Variants in ELP1 observed in about 807,000 individuals in gnomAD.
ELP1 encodes the protein elongator acetyltransferase complex subunit 1.
A neutral mutation model predicts 183.2 loss-of-function variants in ELP1; 131 were observed. That is an observed-to-expected ratio of 0.72 (90% CI 0.62 to 0.83). ELP1 has a LOEUF of 0.83. Among genes scored for constraint, ELP1 ranks in the 40% least tolerant of loss-of-function variants. The pLI is 0.00. For synonymous variants in ELP1, 555 were observed against 569.0 expected (o/e 0.98, Z 0.35); for missense variants, 1,550 against 1,594.9 (o/e 0.97, Z 0.48).
intron 14 of ELP1, among the ~76,000 whole-genome samples, chr9:108,904,779 T>G (rs915044949): frequency 3.1e-4 from 47 of 152,308 alleles, no homozygotes; most frequent in African/African-American, 1.1e-3. Flanking sequence ...GACAAAGCAT[T>G]TAGAAGAGTA....
rs753791141 is a variant in ELP1, at chr9:108,896,584, T to A, written c.2648A>T (p.His883Leu). The A allele has an allele frequency of 1.2e-6, 2 of 1,613,848 alleles. No individual in the cohort carries two copies. The highest frequency in any genetic ancestry group is 1.7e-6 in the Non-Finnish European group (2 of 1,179,712). Residue 883 changes from histidine (H) to leucine (L), a missense_variant, in exon 25 of 37, where the codon CAT becomes CTT. Coordinates refer to ENST00000374647, the MANE Select transcript of ELP1 (RefSeq NM_003640.5). The stretch of plus-strand genomic sequence containing the variant: ...ATATAATTCATTAACATCTACCAGA[T>A]GCAGCAAATATTTCAAGGCCTCTTC... ...SAEEALKYLL[H>L]LVDVNELYDH...
intron 12 of ELP1, among the ~76,000 whole-genome samples, 177 bp downstream of exon 12, chr9:108,910,830 TAAA>T (rs11431875): frequency 5.7e-5 from 8 of 140,640 alleles, no homozygotes; most frequent in Admixed American, 5.0e-4. Context: ...AGTATAGGAT[TAAA>T]AAAAAAAAAA....
Position 108,908,329 on chromosome 9 carries a change from G to A in ELP1, c.1436C>T (p.Thr479Ile). 6.2e-7 allele frequency: 1 copy of A among 1,613,856 alleles called. No homozygotes were observed. Among genetic ancestry groups the A allele is most frequent in the Non-Finnish European group, 8.5e-7 (1 of 1,179,738 alleles). The change falls in exon 13 of 37, where the codon ACT becomes ATT. Residue 479 changes from threonine (T) to isoleucine (I), a missense_variant. Coordinates refer to ENST00000374647, the MANE Select transcript of ELP1 (RefSeq NM_003640.5). Reference protein sequence around the residue: ...GGSGFKVCLRTPHLEKRYKIQ... With the variant: ...GGSGFKVCLRIPHLEKRYKIQ... ...CTTGTATCTCTTTTCCAAATGAGGA[G>A]TTCTAAGGCAAACTTTAAATCCACT...
chr9:108,912,353 T>C lies in ELP1; in HGVS notation c.1100A>G (p.His367Arg), dbSNP rs1286235792. 6.2e-7 allele frequency: 1 copy of C among 1,614,064 alleles called. No individual in the cohort carries two copies. Among genetic ancestry groups the C allele is most frequent in the African/African-American group, 1.3e-5 (1 of 74,912 alleles). The change falls in exon 11 of 37, where the codon CAT (histidine) becomes CGT (arginine). Residue 367 changes from histidine to arginine, a missense_variant. Transcript: ENST00000374647. ...YRLHVLCQGWHYLAYDWHWTT... is the reference protein window; with the variant it reads ...YRLHVLCQGWRYLAYDWHWTT... ...CCAGTGCCAATCATAGGCGAGGTAA[T>C]GCCAGCCCTGACAGAGAACATGCAG...
At chr9:108,899,553 T>G (rs1828689491) in intron 20 of ELP1, among the ~76,000 whole-genome samples, 1 of 151,886 alleles carries the variant, frequency 6.6e-6, no homozygotes, top group Non-Finnish European at 1.5e-5. Flanking sequence ...ACAGGCCACC[T>G]AAAACCCACA....
intron 25 of ELP1, 55 bp downstream of exon 25, chr9:108,896,441 C>A: frequency 6.5e-7 from 1 of 1,549,948 alleles, no homozygotes; most frequent in Non-Finnish European, 8.9e-7. Flanking sequence ...CAGGGTTTCA[C>A]ACTATCATTA....
At chr9:108,912,599 C>A in intron 10 of ELP1, 105 bp from the exon 11 acceptor site, 1 of 775,750 alleles carries the variant, frequency 1.3e-6, no homozygotes, top group South Asian at 1.4e-5. Flanking sequence ...AAGGACCCTT[C>A]CTGCTCAGCC....
chr9:108,924,266 T>C lies in ELP1; in HGVS notation c.467-1339A>G, dbSNP rs147093720. 5.0e-3 allele frequency among the ~76,000 whole-genome samples: 754 copies of C among 152,296 alleles called. 2 individuals are homozygous for C. Among genetic ancestry groups the C allele is most frequent in the Non-Finnish European group, 7.7e-3 (526 of 68,028 alleles). ...TAACTTTCACACCTCAACATTAGAA[T>C]TGAGCAGCTGCAACACAGATCATAC... On this transcript the variant is annotated intron_variant, in intron 5 of 36. Transcript: ENST00000374647.
chr9:108,868,031 G>A lies in ELP1; in HGVS notation c.*1084C>T, dbSNP rs756637677. ...CCCAATGGGAGGTGTTTTGGTCACAGGGGCAGATCCTACGTGAATCGCTTG... is the reference window on the plus strand; with the variant it reads ...CCCAATGGGAGGTGTTTTGGTCACAAGGGCAGATCCTACGTGAATCGCTTG... On this transcript the variant is annotated 3_prime_UTR_variant, in exon 37 of 37. Transcript: ENST00000374647. 2 of 152,240 alleles carry A rather than the reference G, an allele frequency of 1.3e-5. No individual in the cohort carries two copies. The highest frequency in any genetic ancestry group is 2.9e-5 in the Non-Finnish European group (2 of 68,048). 9.4% of individuals were successfully genotyped at this position (152,240 alleles called of 1,614,324 possible). A position where few individuals can be genotyped will look rare whatever the true frequency, so the allele number is the denominator to read the frequency against.
At chr9:108,915,989 A>G (rs574525692) in intron 10 of ELP1, among the ~76,000 whole-genome samples, 4 of 152,198 alleles carry the variant, frequency 2.6e-5, no homozygotes, top group Admixed American at 2.6e-4. Context: ...GACGAATTAT[A>G]TATATGTATT....
chr9:108,887,190 C>A (rs1185189423), intron 29 of ELP1, among the ~76,000 whole-genome samples: 1 of 152,018 alleles, frequency 6.6e-6, no homozygotes, highest in Non-Finnish European at 1.5e-5. Context: ...GCCTGGGTGA[C>A]AGAGCAAGAC....
At chr9:108,889,446 TC>T in intron 28 of ELP1, 53 bp from the exon 29 acceptor site, 1 of 1,492,334 alleles carries the variant, frequency 6.7e-7, no homozygotes, top group Admixed American at 1.7e-5. Context: ...ATACTTTAGC[TC>T]AAGTGCTTCT....
chr9:108,930,974 G>A (rs1035645690), intron 2 of ELP1, 23 bp downstream of exon 2: 1 of 1,613,218 alleles, frequency 6.2e-7, no homozygotes, highest in African/African-American at 1.3e-5. Context: ...CCCACATGCT[G>A]GCATTCTACA....
rs986182460 is a variant in ELP1, at chr9:108,930,056, C to T, written c.151-135G>A. The T allele has an allele frequency of 1.5e-4, 151 of 1,017,734 alleles. 1 individual carries two copies. The South Asian group carries it at 2.1e-3, about 14-fold the overall frequency. 63.0% of individuals were successfully genotyped at this position (1,017,734 alleles called of 1,614,324 possible). A position where few individuals can be genotyped will look rare whatever the true frequency, so the allele number is the denominator to read the frequency against. On this transcript the variant is annotated intron_variant, in intron 2 of 36. Coordinates refer to ENST00000374647, the MANE Select transcript of ELP1 (RefSeq NM_003640.5). Reference sequence around the variant, plus strand: ...AAAATATTTTTTCTAGATGAAAATCCAAACTTTCATTTGAGAAATATCACT... The same window carrying T: ...AAAATATTTTTTCTAGATGAAAATCTAAACTTTCATTTGAGAAATATCACT...
intron 33 of ELP1, 99 bp downstream of exon 33, chr9:108,879,347 C>A (rs2275496): frequency 4.7e-6 from 4 of 845,444 alleles, no homozygotes; most frequent in Non-Finnish European, 8.1e-6. Flanking sequence ...ATTCTCCCCA[C>A]TCCCACTACA....
chr9:108,878,828 T>C, intron 33 of ELP1, 78 bp from the exon 34 acceptor site: 2 of 1,502,948 alleles, frequency 1.3e-6, no homozygotes, highest in Admixed American at 1.7e-5. Flanking sequence ...GCCTGGCTAC[T>C]TTCTTGCAGT....
intron 10 of ELP1, among the ~76,000 whole-genome samples, chr9:108,915,116 T>C (rs1305331696): frequency 6.6e-6 from 1 of 152,242 alleles, no homozygotes; most frequent in East Asian, 1.9e-4. Flanking sequence ...ACTTATACAT[T>C]TTAAAAGCTA....
chr9:108,889,425 A>G, intron 28 of ELP1, 32 bp from the exon 29 acceptor site: 5 of 1,593,496 alleles, frequency 3.1e-6, no homozygotes, highest in Non-Finnish European at 4.3e-6. Flanking sequence ...GTTGACTACA[A>G]AGTTAAACAG....
rs1368684607 is a variant in ELP1, at chr9:108,868,618, C to CAAATTATA, written c.*496_*497insTATAATTT. Reference sequence around the variant, plus strand: ...TAAGATGTTACAAAATAATAGCTGTCAGCAAAGGAGGGCTTATAATTTCAA... The same window carrying CAAATTATA: ...TAAGATGTTACAAAATAATAGCTGTCAAATTATAAGCAAAGGAGGGCTTATAATTTCAA... On this transcript the variant is annotated 3_prime_UTR_variant, in exon 37 of 37. Coordinates refer to ENST00000374647, the MANE Select transcript of ELP1 (RefSeq NM_003640.5). 4 of 448,380 alleles carry CAAATTATA rather than the reference C, an allele frequency of 8.9e-6. No homozygotes were observed. Among genetic ancestry groups the CAAATTATA allele is most frequent in the African/African-American group, 8.1e-5 (4 of 49,670 alleles). The allele number at this position is 448,380 out of a possible 1,614,324, so 27.8% of individuals were successfully genotyped here.
Sources: allele counts gnomAD v4.1 joint callset (sites outside exome capture counted in the v4.1 genomes callset), GRCh38; gene constraint gnomAD v4.1.1; transcripts MANE v1.5; gene names NCBI Gene and HGNC (gene_info 2026-07-23, HGNC 2026-07-21).